MEOX2: variants seen among roughly 807,000 people sequenced by gnomAD.
The protein encoded by MEOX2 is mesenchyme homeobox 2, also known as homeobox protein MOX-2.
In MEOX2, 11 loss-of-function variants were observed where a neutral mutation model predicts 27.0. That is an observed-to-expected ratio of 0.41 (90% CI 0.26 to 0.68). The LOEUF is 0.68. Ranked by LOEUF, MEOX2 falls within the 30% of genes least tolerant of loss-of-function variation. MEOX2 has a pLI of 0.33. For missense variants in MEOX2, 436 were observed against 385.4 expected, an observed-to-expected ratio of 1.13 and a Z score of -1.10; for synonymous variants, 189 against 155.4, an observed-to-expected ratio of 1.22 and a Z score of -1.61.
rs144156230 is a variant in MEOX2, at chr7:15,672,870, C to T, written c.517+13016G>A. On this transcript the variant is annotated intron_variant, in intron 1 of 2. Coordinates refer to ENST00000262041, the MANE Select transcript of MEOX2 (RefSeq NM_005924.5). Reference sequence around the variant, plus strand: ...TCGTGCCACCGCACTCCAGCCTGGGCAACAGAGCGAGATTCTGTCTTGAAA... The same window carrying T: ...TCGTGCCACCGCACTCCAGCCTGGGTAACAGAGCGAGATTCTGTCTTGAAA... Among the ~76,000 whole-genome samples, 1,306 of 146,872 alleles carry T rather than the reference C, an allele frequency of 8.9e-3. 21 individuals are homozygous for T. Among genetic ancestry groups the T allele is most frequent in the African/African-American group, 0.031 (1,232 of 39,254 alleles).
intron 1 of MEOX2, among the ~76,000 whole-genome samples, chr7:15,648,029 T>A (rs916208440): frequency 8.5e-5 from 13 of 152,092 alleles, no homozygotes; most frequent in African/African-American, 2.9e-4. Context: ...TTCAATATGC[T>A]GAATATTAAG....
chr7:15,612,687 T>C (rs1781051970), intron 2 of MEOX2, 76 bp from the exon 3 acceptor site: 1 of 1,262,338 alleles, frequency 7.9e-7, no homozygotes, highest in Non-Finnish European at 1.1e-6. Context: ...CTTAGTGTCA[T>C]CAATGAAAAG....
chr7:15,669,348 T>G (rs2115389543), intron 1 of MEOX2, among the ~76,000 whole-genome samples: 1 of 152,370 alleles, frequency 6.6e-6, no homozygotes, highest in Non-Finnish European at 1.5e-5. Flanking sequence ...ATTTGTTTTT[T>G]GTGTTTCTAA....
chr7:15,670,188 C>A (rs546811167), intron 1 of MEOX2, among the ~76,000 whole-genome samples: 1 of 152,068 alleles, frequency 6.6e-6, no homozygotes, highest in South Asian at 2.1e-4. Context: ...TTGATAAGTC[C>A]CCATATCTTA....
chr7:15,680,270 A>G (rs190464865), intron 1 of MEOX2: 9 of 152,090 alleles, frequency 5.9e-5, no homozygotes, highest in African/African-American at 1.9e-4. Flanking sequence ...CAATAGATAC[A>G]TTATTGATTA....
rs1036988170 is a variant in MEOX2 at position 15,638,731 on chromosome 7, T to C, written c.518-11813A>G. 3.9e-5 allele frequency among the ~76,000 whole-genome samples: 6 copies of C among 152,206 alleles called. No individual in the cohort carries two copies. In the South Asian group the frequency reaches 6.2e-4, roughly 16 times the overall value. On this transcript the variant is annotated intron_variant, in intron 1 of 2. Transcript: ENST00000262041. ...GCTTCCACTTGTAAGTGAGAACATG[T>C]GTATTTCATTTCTTTCTGAGTTATT... is the stretch of plus-strand genomic sequence containing the variant.
rs1002354921 is a variant in MEOX2 at position 15,640,072 on chromosome 7, C to G, written c.518-13154G>C. ...TGTTGAATCTGTAGATCACTTTGGG[C>G]AAATATAGTCATTTTAATGATATTG... is the stretch of plus-strand genomic sequence containing the variant. On this transcript the variant is annotated intron_variant, in intron 1 of 2. Coordinates refer to ENST00000262041, the MANE Select transcript of MEOX2 (RefSeq NM_005924.5). Among the ~76,000 whole-genome samples, 4 of 151,958 alleles carry G rather than the reference C, an allele frequency of 2.6e-5. No homozygotes were observed. In the East Asian group the frequency reaches 7.7e-4, roughly 29 times the overall value.
rs548985407 is a variant in MEOX2 at position 15,672,614 on chromosome 7, A to T, written c.517+13272T>A. Among the ~76,000 whole-genome samples the T allele has an allele frequency of 2.7e-4, 41 of 152,224 alleles. No homozygotes were observed. The Middle Eastern group carries it at 0.01, about 38-fold the overall frequency. ...TAGAAAGTATCCGTAAATATTGGGC[A>T]GGTCGCGGTGGCTCACACCCATAAT... is the stretch of plus-strand genomic sequence containing the variant. On this transcript the variant is annotated intron_variant, in intron 1 of 2. Transcript: ENST00000262041.
chr7:15,621,262 A>C (rs929490317), intron 2 of MEOX2, among the ~76,000 whole-genome samples: 1 of 152,210 alleles, frequency 6.6e-6, no homozygotes, highest in Non-Finnish European at 1.5e-5. Flanking sequence ...GTGATCTGTA[A>C]CTGTTCAACA....
chr7:15,644,353 T>C (rs1016427998), intron 1 of MEOX2, among the ~76,000 whole-genome samples: 3 of 152,186 alleles, frequency 2.0e-5, no homozygotes, highest in African/African-American at 7.2e-5. Flanking sequence ...TGTGGCTAAA[T>C]ATGGTGCCTG....
chr7:15,649,684 G>A (rs1781706663), intron 1 of MEOX2, among the ~76,000 whole-genome samples: 1 of 152,038 alleles, frequency 6.6e-6, no homozygotes, highest in Non-Finnish European at 1.5e-5. Context: ...CCATGTCGAT[G>A]CCATGAATGA....
At chr7:15,647,750 T>C (rs1781674310) in intron 1 of MEOX2, among the ~76,000 whole-genome samples, 1 of 152,160 alleles carries the variant, frequency 6.6e-6, no homozygotes, top group Admixed American at 6.5e-5. Flanking sequence ...TACTAAAACG[T>C]AGTTTCTCAT....
At chr7:15,655,186 T>C (rs986512614) in intron 1 of MEOX2, among the ~76,000 whole-genome samples, 1 of 151,722 alleles carries the variant, frequency 6.6e-6, no homozygotes, top group Non-Finnish European at 1.5e-5. Context: ...CATGGTATTT[T>C]CTTTTTGTCC....
intron 1 of MEOX2, among the ~76,000 whole-genome samples, chr7:15,660,531 G>T (rs1483817601): frequency 6.6e-6 from 1 of 152,004 alleles, no homozygotes; most frequent in East Asian, 1.9e-4. Context: ...AGCTTCTGTG[G>T]TCCCTAATCA....
At chr7:15,639,332 A>C (rs1222365916) in intron 1 of MEOX2, among the ~76,000 whole-genome samples, 2 of 151,458 alleles carry the variant, frequency 1.3e-5, no homozygotes. Context: ...GTTGTCTGTC[A>C]TTTTCTTGTG....
intron 2 of MEOX2, among the ~76,000 whole-genome samples, chr7:15,623,069 T>C (rs944234017): frequency 1.3e-5 from 2 of 152,182 alleles, no homozygotes; most frequent in African/African-American, 2.4e-5. Context: ...CCACCCAGTC[T>C]ATGGTATTTC....
At chr7:15,630,416 GGCACAGA>G (rs1781383010) in intron 1 of MEOX2, among the ~76,000 whole-genome samples, 1 of 151,992 alleles carries the variant, frequency 6.6e-6, no homozygotes, top group South Asian at 2.1e-4. Flanking sequence ...GTTCACTAGT[GGCACAGA>G]GTGCTATTTA....
At chr7:15,651,086 A>G (rs1430476423) in intron 1 of MEOX2, among the ~76,000 whole-genome samples, 2 of 152,026 alleles carry the variant, frequency 1.3e-5, no homozygotes, top group African/African-American at 4.8e-5. Flanking sequence ...CCAGCCTGTG[A>G]AAGTCCTCGA....
At chr7:15,631,231 CAAA>C (rs372742398) in intron 1 of MEOX2, among the ~76,000 whole-genome samples, 1 of 141,684 alleles carries the variant, frequency 7.1e-6, no homozygotes, top group Non-Finnish European at 1.6e-5. Flanking sequence ...CTTCAAAATG[CAAA>C]AAAAAAAAAT....
Sources: gnomAD v4.1 joint callset for allele counts (sites outside exome capture counted in the v4.1 genomes callset) on GRCh38, gnomAD v4.1.1 for gene constraint, MANE v1.5 for transcripts, NCBI Gene and HGNC (gene_info 2026-07-23, HGNC 2026-07-21) for gene names.